The following GRB10 variants were observed in gnomAD, a reference collection of about 807,000 sequenced individuals.
The protein encoded by GRB10 is growth factor receptor-bound protein 10.
A neutral mutation model predicts 80.9 loss-of-function variants in GRB10; 20 were observed. That is an observed-to-expected ratio of 0.25 (90% CI 0.17 to 0.36). GRB10 has a LOEUF of 0.36. Ranked by LOEUF, GRB10 falls within the 10% of genes least tolerant of loss-of-function variation. The pLI, the probability that GRB10 is intolerant of heterozygous loss-of-function variation, is 1.00. For missense variants in GRB10, 548 were observed against 747.7 expected (o/e 0.73, Z 3.12); for synonymous variants, 291 against 291.5 (o/e 1.00, Z 0.02).
At chr7:50,604,797 G>T in intron 15 of GRB10, 1 of 328,756 alleles carries the variant, frequency 3.0e-6, no homozygotes, top group South Asian at 2.9e-5. Flanking sequence ...CAGAGTCCAG[G>T]CTCCTGCTTT....
At chr7:50,610,828 A>T (rs1271720374) in intron 13 of GRB10, among the ~76,000 whole-genome samples, 1 of 152,184 alleles carries the variant, frequency 6.6e-6, no homozygotes, top group Non-Finnish European at 1.5e-5. Context: ...TGCATTAGTC[A>T]CTCTGCCCAC....
upstream of GRB10, among the ~76,000 whole-genome samples, chr7:50,785,400 G>A (rs1057262866): frequency 2.6e-5 from 4 of 152,230 alleles, no homozygotes; most frequent in African/African-American, 9.6e-5. Flanking sequence ...AGCCGCATCT[G>A]ATGGGACCCC....
At chr7:50,736,188 A>T (rs1421250064) in intron 3 of GRB10, among the ~76,000 whole-genome samples, 1 of 152,260 alleles carries the variant, frequency 6.6e-6, no homozygotes, top group Non-Finnish European at 1.5e-5. Flanking sequence ...TGGGAGCCTG[A>T]GGCAGGAGAA....
At chr7:50,756,471 T>C (rs771565554) in intron 2 of GRB10, among the ~76,000 whole-genome samples, 2 of 152,240 alleles carry the variant, frequency 1.3e-5, no homozygotes, top group Non-Finnish European at 2.9e-5. Flanking sequence ...CCTGCCTCCA[T>C]GTCAGACCTG....
chr7:50,718,214 G>A (rs573730298), intron 4 of GRB10, among the ~76,000 whole-genome samples: 31 of 152,330 alleles, frequency 2.0e-4, no homozygotes, highest in African/African-American at 7.2e-4. Flanking sequence ...CCCAGTTCAA[G>A]GGAGAATTAA....
At chr7:50,674,350 CA>C (rs2060672938) in intron 6 of GRB10, 85 bp downstream of exon 6, 1 of 1,318,790 alleles carries the variant, frequency 7.6e-7, no homozygotes, top group South Asian at 1.2e-5. Context: ...CTATTCCCCC[CA>C]ACACCATTTA....
At chr7:50,787,348 G>A (rs1324758622), upstream of GRB10, among the ~76,000 whole-genome samples, 1 of 152,010 alleles carries the variant, frequency 6.6e-6, no homozygotes, top group Non-Finnish European at 1.5e-5. Flanking sequence ...ATGGAAGTAC[G>A]TACAGAAAAA....
chr7:50,711,077 G>A (rs188071898), intron 4 of GRB10: 197 of 644,618 alleles, frequency 3.1e-4, no homozygotes, highest in Middle Eastern at 2.0e-3. Flanking sequence ...ACAGGGATTC[G>A]AAATGTCTTC....
intron 4 of GRB10, among the ~76,000 whole-genome samples, chr7:50,730,457 T>C (rs1258608841): frequency 6.6e-6 from 1 of 152,210 alleles, no homozygotes; most frequent in Non-Finnish European, 1.5e-5. Context: ...TGGAACCCAT[T>C]GTAAATCATC....
At chr7:50,605,073 A>C (rs547287604) in intron 15 of GRB10, 2 of 585,106 alleles carry the variant, frequency 3.4e-6, no homozygotes, top group East Asian at 5.7e-5. Context: ...CCTTCCATGA[A>C]AGCCCAGGGG....
At chr7:50,732,418 A>T in intron 3 of GRB10, 50 bp from the exon 4 acceptor site, 1 of 1,100,026 alleles carries the variant, frequency 9.1e-7, no homozygotes, top group Admixed American at 1.8e-5. Flanking sequence ...AAAAAAAAAA[A>T]TCCACTACTT....
intron 1 of GRB10, among the ~76,000 whole-genome samples, chr7:50,788,188 TC>T (rs1434099299): frequency 7.9e-5 from 12 of 152,230 alleles, no homozygotes; most frequent in African/African-American, 2.9e-4. Flanking sequence ...TAAAGGGAAC[TC>T]TTCACTTACA....
At chr7:50,702,414 G>A (rs1036319243) in intron 5 of GRB10, among the ~76,000 whole-genome samples, 7 of 152,212 alleles carry the variant, frequency 4.6e-5, no homozygotes, top group Non-Finnish European at 1.0e-4. Context: ...ACAGCCCTGA[G>A]GAGACAGCAC....
chr7:50,722,228 T>G (rs139595984), intron 4 of GRB10, among the ~76,000 whole-genome samples: 2 of 152,140 alleles, frequency 1.3e-5, no homozygotes, highest in Admixed American at 6.5e-5. Flanking sequence ...CCCACTCTCA[T>G]GCCCACTCAG....
chr7:50,781,814 C>T (rs1434790100), intron 1 of GRB10, among the ~76,000 whole-genome samples: 4 of 152,244 alleles, frequency 2.6e-5, no homozygotes, highest in Admixed American at 2.6e-4. Flanking sequence ...ATCAAGAACA[C>T]GAACCCCATG....
intron 3 of GRB10, among the ~76,000 whole-genome samples, chr7:50,734,937 T>C (rs1346133255): frequency 6.6e-6 from 1 of 152,150 alleles, no homozygotes; most frequent in Admixed American, 6.5e-5. Context: ...TTCAACATAG[T>C]ATTGGAAGTC....
intron 7 of GRB10, among the ~76,000 whole-genome samples, chr7:50,630,817 A>C (rs775880567): frequency 9.2e-5 from 14 of 152,226 alleles, no homozygotes; most frequent in Non-Finnish European, 1.6e-4. Flanking sequence ...AAAGCTACCC[A>C]GGCCTCTGGC....
intron 7 of GRB10, among the ~76,000 whole-genome samples, chr7:50,632,112 T>C: frequency 6.6e-6 from 1 of 152,280 alleles, no homozygotes; most frequent in East Asian, 1.9e-4. Context: ...GTAGGCTAAA[T>C]TAATCTCACC....
rs2078409205 is a variant in GRB10 at position 50,782,509 on chromosome 7, C to G, written c.-412G>C. On this transcript the variant is annotated 5_prime_UTR_variant, in exon 1 of 19. Transcript: ENST00000401949. This position sits in a 1 kb window ranked among gnomAD's most constrained non-coding sequence, Gnocchi z 6.6. ...GTAGGGCTTCGGGGCCCGGCCCCCG[C>G]AGTGCCCGGCGCGTGGACAGCGCTC... The G allele has an allele frequency of 6.7e-6, 1 of 150,218 alleles. No individual in the cohort carries two copies. The highest frequency in any genetic ancestry group is 2.4e-5 in the African/African-American group (1 of 41,242). 9.3% of individuals were successfully genotyped at this position (150,218 alleles called of 1,614,324 possible). A position where few individuals can be genotyped will look rare whatever the true frequency, so the allele number is the denominator to read the frequency against.
Sources: allele counts gnomAD v4.1 joint callset (sites outside exome capture counted in the v4.1 genomes callset), GRCh38; gene constraint gnomAD v4.1.1; non-coding constraint Gnocchi (gnomAD v3.1); transcripts MANE v1.5; gene names NCBI Gene and HGNC (gene_info 2026-07-23, HGNC 2026-07-21).